Variants in PACS1 observed in about 807,000 individuals in gnomAD.
The protein encoded by PACS1 is phosphofurin acidic cluster sorting protein 1.
Under a neutral mutation model 115.0 loss-of-function variants are expected in PACS1, and 24 were observed. The observed-to-expected ratio is 0.21, with a 90% confidence interval of 0.15 to 0.29. The LOEUF is 0.29. Among genes scored for constraint, PACS1 ranks in the 10% least tolerant of loss-of-function variants. PACS1 has a pLI of 1.00. For missense variants in PACS1, 838 were observed against 1,251.2 expected (o/e 0.67, Z 4.98); for synonymous variants, 453 against 504.5 (o/e 0.90, Z 1.37).
chr11:66,227,353 G>A (rs1021310113), intron 10 of PACS1, 151 bp from the exon 11 acceptor site: 13 of 548,324 alleles, frequency 2.4e-5, no homozygotes, highest in Admixed American at 6.9e-5. Context: ...AAATGTACCC[G>A]CCTCCCCGGC....
intron 1 of PACS1, among the ~76,000 whole-genome samples, chr11:66,098,280 A>ATGTG (rs148339073): frequency 2.0e-5 from 3 of 151,686 alleles, no homozygotes; most frequent in Non-Finnish European, 4.4e-5. Flanking sequence ...TCTTTATCAG[A>ATGTG]TGTGTGTGTG....
At chr11:66,088,983 C>T (rs778519860) in intron 1 of PACS1, among the ~76,000 whole-genome samples, 2 of 152,068 alleles carry the variant, frequency 1.3e-5, no homozygotes, top group African/African-American at 2.4e-5. Flanking sequence ...TATTTTTAAA[C>T]CCTAAAGCTA....
At chr11:66,121,854 T>C (rs150360706) in intron 1 of PACS1, among the ~76,000 whole-genome samples, 35 of 152,282 alleles carry the variant, frequency 2.3e-4, no homozygotes, top group African/African-American at 5.8e-4. Flanking sequence ...AACATAAAAA[T>C]GCAGGGTGAA....
At chr11:66,155,613 G>A (rs1230556519) in intron 1 of PACS1, among the ~76,000 whole-genome samples, 1 of 152,152 alleles carries the variant, frequency 6.6e-6, no homozygotes, top group Non-Finnish European at 1.5e-5. Flanking sequence ...CAAGGATGTG[G>A]CACAAGCAGA....
intron 1 of PACS1, among the ~76,000 whole-genome samples, chr11:66,154,612 C>T (rs893585038): frequency 2.6e-5 from 4 of 152,130 alleles, no homozygotes; most frequent in Admixed American, 6.5e-5. Flanking sequence ...TAGTATTCCA[C>T]TTGCCATATC....
intron 1 of PACS1, among the ~76,000 whole-genome samples, chr11:66,090,174 A>G (rs1203045871): frequency 6.6e-6 from 1 of 151,576 alleles, no homozygotes; most frequent in Admixed American, 6.6e-5. Context: ...AACTTACAGA[A>G]AGTGGCTTGG....
At chr11:66,100,286 C>G (rs746597359) in intron 1 of PACS1, among the ~76,000 whole-genome samples, 2 of 152,156 alleles carry the variant, frequency 1.3e-5, no homozygotes, top group Non-Finnish European at 2.9e-5. Flanking sequence ...TTTGTAAGTA[C>G]CTCTTCCAAG....
At chr11:66,152,379 T>C (rs577868550) in intron 1 of PACS1, among the ~76,000 whole-genome samples, 41 of 152,302 alleles carry the variant, frequency 2.7e-4, no homozygotes, top group African/African-American at 9.6e-4. Flanking sequence ...CCTCAGAGAC[T>C]TGTAGGACGA....
At chr11:66,165,702 C>T (rs536660488) in intron 1 of PACS1, among the ~76,000 whole-genome samples, 1 of 150,404 alleles carries the variant, frequency 6.6e-6, no homozygotes, top group African/African-American at 2.5e-5. Flanking sequence ...TCTATTTGCC[C>T]CATACCCTGT....
intron 1 of PACS1, among the ~76,000 whole-genome samples, chr11:66,180,874 G>A (rs551878754): frequency 1.6e-4 from 25 of 152,146 alleles, no homozygotes; most frequent in African/African-American, 5.8e-4. Context: ...GCCCAGGCTG[G>A]TCTCAAACCC....
chr11:66,075,660 A>G (rs1035204248), intron 1 of PACS1, among the ~76,000 whole-genome samples: 13 of 152,112 alleles, frequency 8.5e-5, no homozygotes, highest in African/African-American at 2.7e-4. Context: ...TTCTTAAATT[A>G]TAGGTATAAA....
chr11:66,176,127 T>G (rs560005615), intron 1 of PACS1, among the ~76,000 whole-genome samples: 1 of 152,298 alleles, frequency 6.6e-6, no homozygotes, highest in African/African-American at 2.4e-5. Flanking sequence ...ATGTGCAGAT[T>G]TGTTGCATGG....
chr11:66,210,897 T>C (rs1855055597), intron 3 of PACS1, among the ~76,000 whole-genome samples: 1 of 152,154 alleles, frequency 6.6e-6, no homozygotes, highest in African/African-American at 2.4e-5. Flanking sequence ...CCTGATAAAG[T>C]GGCAAGGGAA....
chr11:66,106,247 G>C (rs940927500), intron 1 of PACS1, among the ~76,000 whole-genome samples: 4 of 152,028 alleles, frequency 2.6e-5, no homozygotes, highest in Non-Finnish European at 4.4e-5. Context: ...CTGGGCGACA[G>C]AGGGAGAACC....
At chr11:66,189,529 G>C (rs953180945) in intron 1 of PACS1, among the ~76,000 whole-genome samples, 6 of 152,226 alleles carry the variant, frequency 3.9e-5, no homozygotes, top group African/African-American at 1.2e-4. Flanking sequence ...AGCACAGAAC[G>C]TAACGTGATT....
rs1565095725 is a variant in PACS1 at position 66,070,755 on chromosome 11, C to T, written c.269C>T (p.Pro90Leu). 6 of 1,551,172 alleles carry T rather than the reference C, an allele frequency of 3.9e-6. No homozygotes were observed. The highest frequency in any genetic ancestry group is 4.3e-6 in the Non-Finnish European group (5 of 1,156,566). Residue 90 changes from proline (P) to leucine (L), a missense_variant, in exon 1 of 24, where the codon CCG becomes CTG. Physicochemically the swap from Pro to Leu is moderately conservative, Grantham distance 98. This residue lies in a region of PACS1 where 129 missense variants were observed against 109.4 expected (regional missense o/e 1.18). Transcript: ENST00000320580. The surrounding 1 kb of genome is among the most constrained non-coding windows in gnomAD (Gnocchi z 5.9). ...VASGSAPPGG[P>L]GPGRTPAPVQ... ...TCGGGCTCCGCGCCTCCCGGTGGCC[C>T]GGGGCCAGGCCGCACCCCCGCCCCG...
chr11:66,233,198 A>AG lies in PACS1; in HGVS notation c.1838+138dup, dbSNP rs1352114382. 4 of 657,382 alleles carry AG rather than the reference A, an allele frequency of 6.1e-6. No homozygotes were observed. The highest frequency in any genetic ancestry group is 1.8e-5 in the African/African-American group (1 of 55,206). 40.7% of individuals were successfully genotyped at this position (657,382 alleles called of 1,614,324 possible). A position where few individuals can be genotyped will look rare whatever the true frequency, so the allele number is the denominator to read the frequency against. ...AGAATTTGCAGAGGGGCGTATGTTT[A>AG]GGGGGGTGGCGGCAGCAGGCTGTAG... On this transcript the variant is annotated intron_variant, in intron 15 of 23. Coordinates refer to ENST00000320580, the MANE Select transcript of PACS1 (RefSeq NM_018026.4). The surrounding 1 kb of genome is among the most constrained non-coding windows in gnomAD (Gnocchi z 4.5).
At chr11:66,080,848 G>A (rs1406681638) in intron 1 of PACS1, among the ~76,000 whole-genome samples, 1 of 152,210 alleles carries the variant, frequency 6.6e-6, no homozygotes, top group Non-Finnish European at 1.5e-5. Context: ...TCTGGAGCCA[G>A]TCAGGTCAGA....
chr11:66,081,420 C>G (rs753085691), intron 1 of PACS1, among the ~76,000 whole-genome samples: 1 of 151,688 alleles, frequency 6.6e-6, no homozygotes, highest in Non-Finnish European at 1.5e-5. Context: ...TCTTCCCTGC[C>G]CCCCCCAACC....
Sources: gnomAD v4.1 joint callset for allele counts (sites outside exome capture counted in the v4.1 genomes callset) on GRCh38, gnomAD v4.1.1 for gene constraint, gnomAD v4.1.1 regional missense constraint, Gnocchi (gnomAD v3.1) non-coding constraint, MANE v1.5 for transcripts, NCBI Gene and HGNC (gene_info 2026-07-23, HGNC 2026-07-21) for gene names.